The following EPC1 variants were observed in gnomAD, a reference collection of about 807,000 sequenced individuals.
EPC1 encodes enhancer of polycomb 1.
Under a neutral mutation model 98.4 loss-of-function variants are expected in EPC1, and 12 were observed. The ratio of observed to expected loss-of-function variants is 0.12; its 90% confidence interval spans 0.08 to 0.20. EPC1 has a LOEUF of 0.20. EPC1 is among the 10% of genes least tolerant of loss of function. EPC1 has a pLI of 1.00. For missense variants in EPC1, 729 were observed against 990.5 expected, an observed-to-expected ratio of 0.74 and a Z score of 3.54; for synonymous variants, 357 against 363.9, an observed-to-expected ratio of 0.98 and a Z score of 0.21.
At chr10:32,345,642 A>G (rs1443986296) in intron 1 of EPC1, 2 of 985,148 alleles carry the variant, frequency 2.0e-6, no homozygotes, top group Non-Finnish European at 1.2e-6. Context: ...AATGAGAGGA[A>G]GATTCTATTA....
intron 1 of EPC1, among the ~76,000 whole-genome samples, chr10:32,328,669 C>T (rs1837451519): frequency 6.6e-6 from 1 of 152,196 alleles, no homozygotes; most frequent in South Asian, 2.1e-4. Context: ...GGGAGCAGAC[C>T]TAGTGCTGAA....
chr10:32,356,664 A>G (rs762658970), intron 1 of EPC1, among the ~76,000 whole-genome samples: 22 of 152,192 alleles, frequency 1.4e-4, no homozygotes, highest in Non-Finnish European at 2.2e-4. Flanking sequence ...TGGAAGTTAT[A>G]GGCCTAGTGG....
chr10:32,310,492 T>C (rs1836143653), intron 1 of EPC1, among the ~76,000 whole-genome samples: 1 of 152,224 alleles, frequency 6.6e-6, no homozygotes, highest in Non-Finnish European at 1.5e-5. Context: ...CTTGTATGAA[T>C]AGTTCTGTAG....
chr10:32,349,283 A>G (rs1266992424), upstream of EPC1, among the ~76,000 whole-genome samples: 6 of 152,378 alleles, frequency 3.9e-5, no homozygotes, highest in East Asian at 1.2e-3. Context: ...CATTAAAATA[A>G]CAGTAAACAA....
At chr10:32,317,498 C>T (rs1291400502) in intron 1 of EPC1, among the ~76,000 whole-genome samples, 1 of 152,040 alleles carries the variant, frequency 6.6e-6, no homozygotes, top group African/African-American at 2.4e-5. Context: ...AAAAATTAGC[C>T]GGGTGTGGTG....
At chr10:32,333,242 A>C (rs548728916) in intron 1 of EPC1, among the ~76,000 whole-genome samples, 1 of 152,324 alleles carries the variant, frequency 6.6e-6, no homozygotes, top group Admixed American at 6.5e-5. Flanking sequence ...CAGGAGGTTG[A>C]GGCAGGAGAA....
chr10:32,335,141 C>T (rs1837879961), intron 1 of EPC1, among the ~76,000 whole-genome samples: 1 of 152,142 alleles, frequency 6.6e-6, no homozygotes, highest in Non-Finnish European at 1.5e-5. Context: ...TGGTCCTCTA[C>T]AGTTTAGAAT....
intron 1 of EPC1, among the ~76,000 whole-genome samples, chr10:32,313,076 A>AT (rs34808423): frequency 0.11 from 16,207 of 147,808 alleles, 923 homozygotes; most frequent in Admixed American, 0.13. Context: ...TGAAACTTAG[A>AT]TTTTTTTTTT....
intron 1 of EPC1, among the ~76,000 whole-genome samples, chr10:32,327,508 T>C (rs2132947696): frequency 6.6e-6 from 1 of 152,336 alleles, no homozygotes; most frequent in Admixed American, 6.5e-5. Flanking sequence ...GCTATGTTAA[T>C]TGCCATGATC....
chr10:32,371,090 A>G (rs1419187595), intron 1 of EPC1, among the ~76,000 whole-genome samples: 2 of 152,208 alleles, frequency 1.3e-5, no homozygotes, highest in Admixed American at 1.3e-4. Context: ...TTAGGTTGGC[A>G]ATTTGTTTCT....
intron 2 of EPC1, among the ~76,000 whole-genome samples, chr10:32,295,599 C>T: frequency 6.6e-6 from 1 of 152,114 alleles, no homozygotes; most frequent in Middle Eastern, 3.2e-3. Flanking sequence ...TTTAGAGATC[C>T]TCAAGTTGAT....
chr10:32,328,587 A>G (rs751275213), intron 1 of EPC1, among the ~76,000 whole-genome samples: 6 of 152,230 alleles, frequency 3.9e-5, no homozygotes, highest in Non-Finnish European at 5.9e-5. Context: ...GATGATGGAA[A>G]AGGAGGAATC....
chr10:32,345,028 G>C (rs1342397862), intron 1 of EPC1: 1 of 536,558 alleles, frequency 1.9e-6, no homozygotes, highest in Non-Finnish European at 2.4e-6. Flanking sequence ...TTAATTTCCA[G>C]GGCAGGGTAA....
At chr10:32,302,358 G>A (rs1460925089) in intron 2 of EPC1, among the ~76,000 whole-genome samples, 2 of 150,680 alleles carry the variant, frequency 1.3e-5, no homozygotes, top group African/African-American at 4.9e-5. Context: ...TAGAAAGTAA[G>A]CAAAAGAGGC....
intron 1 of EPC1, among the ~76,000 whole-genome samples, chr10:32,309,673 T>C (rs918022192): frequency 5.4e-5 from 8 of 149,314 alleles, no homozygotes; most frequent in South Asian, 2.1e-4. Context: ...CTGGGCAACA[T>C]AGCCACACCC....
upstream of EPC1, chr10:32,347,161 G>A (rs1311193608): frequency 5.1e-6 from 7 of 1,386,130 alleles, no homozygotes; most frequent in Non-Finnish European, 6.5e-6. Context: ...TCCACTGTGC[G>A]CTCTTCAGCC....
chr10:32,277,062 G>A (rs1435054210), intron 10 of EPC1, among the ~76,000 whole-genome samples: 1 of 152,110 alleles, frequency 6.6e-6, no homozygotes, highest in Non-Finnish European at 1.5e-5. Flanking sequence ...ACAGTGGAAG[G>A]AAAAGAGAAC....
chr10:32,363,480 T>C lies in EPC1; in HGVS notation c.3+15011A>G, dbSNP rs890269271. Among the ~76,000 whole-genome samples, 4 of 152,208 alleles carry C rather than the reference T, an allele frequency of 2.6e-5. No homozygotes were observed. The East Asian group carries it at 7.7e-4, about 29-fold the overall frequency. ...AGCCAGGTTCTAATTACCTTCATTTTAACATAAATGCTAAGCTGGGTTTAT... is the reference window on the plus strand; with the variant it reads ...AGCCAGGTTCTAATTACCTTCATTTCAACATAAATGCTAAGCTGGGTTTAT... On this transcript the variant is annotated intron_variant, in intron 1 of 13. Transcript: ENST00000375110.
At chr10:32,300,556 C>A (rs1835452282) in intron 2 of EPC1, among the ~76,000 whole-genome samples, 3 of 151,736 alleles carry the variant, frequency 2.0e-5, no homozygotes, top group Admixed American at 2.0e-4. Context: ...GCCTCAGCCT[C>A]CCGAGTAGCT....
Sources: gnomAD v4.1 joint callset for allele counts (sites outside exome capture counted in the v4.1 genomes callset) on GRCh38, gnomAD v4.1.1 for gene constraint, MANE v1.5 for transcripts, NCBI Gene and HGNC (gene_info 2026-07-23, HGNC 2026-07-21) for gene names.